DOK6: variants seen among roughly 807,000 people sequenced by gnomAD.
The protein encoded by DOK6 is docking protein 6.
DOK6 carries 22 observed loss-of-function variants against 44.0 expected under a neutral mutation model. That is an observed-to-expected ratio of 0.50 (90% CI 0.36 to 0.71). The LOEUF (loss-of-function observed/expected upper bound fraction) is 0.71. Among genes scored for constraint, DOK6 ranks in the 30% least tolerant of loss-of-function variants. The pLI, the probability that DOK6 is intolerant of heterozygous loss-of-function variation, is 0.00. For missense variants in DOK6, 340 were observed against 416.4 expected (o/e 0.82, Z 1.60); for synonymous variants, 166 against 145.5 (o/e 1.14, Z -1.01).
At chr18:69,635,388 A>G (rs1276179082) in intron 3 of DOK6, among the ~76,000 whole-genome samples, 2 of 152,164 alleles carry the variant, frequency 1.3e-5, no homozygotes, top group Non-Finnish European at 2.9e-5. Context: ...AAGCGTAATA[A>G]TTCATCATTA....
intron 5 of DOK6, among the ~76,000 whole-genome samples, chr18:69,724,129 G>A (rs530368017): frequency 6.6e-6 from 1 of 152,308 alleles, no homozygotes; most frequent in South Asian, 2.1e-4. Context: ...CAGCAAGAGA[G>A]ATTATCATTG....
chr18:69,597,060 AATT>A (rs1294708928), intron 2 of DOK6, among the ~76,000 whole-genome samples: 3 of 151,898 alleles, frequency 2.0e-5, no homozygotes, highest in African/African-American at 7.2e-5. Context: ...AAAGATATAA[AATT>A]ATATAAATTA....
At chr18:69,527,309 G>A (rs553054138) in intron 1 of DOK6, among the ~76,000 whole-genome samples, 7 of 152,272 alleles carry the variant, frequency 4.6e-5, no homozygotes, top group Admixed American at 4.6e-4. Context: ...AAAGGAAAGA[G>A]GTTTAATTGA....
chr18:69,692,041 C>A (rs1370744349), intron 4 of DOK6, among the ~76,000 whole-genome samples: 1 of 152,044 alleles, frequency 6.6e-6, no homozygotes, highest in East Asian at 1.9e-4. Flanking sequence ...AAGGAATTTA[C>A]CCCCTTTTCT....
chr18:69,655,726 C>A (rs1372100038), intron 3 of DOK6, among the ~76,000 whole-genome samples: 1 of 134,612 alleles, frequency 7.4e-6, no homozygotes, highest in African/African-American at 2.8e-5. Context: ...GCACTCCAGC[C>A]TGGGTGACAG....
At position 69,443,074 on chromosome 18, in the gene DOK6, G is replaced by GC. The variant is rs1237551567; in HGVS notation, c.66+41766dup. Among the ~76,000 whole-genome samples the GC allele has an allele frequency of 3.9e-5, 6 of 151,940 alleles. No homozygotes were observed. In the East Asian group the frequency reaches 1.2e-3, roughly 29 times the overall value. ...TTTGGTATACCAAAGATACGAATACGCCTGTTTACCTTACAACAAATGCGT... is the reference window on the plus strand; with the variant it reads ...TTTGGTATACCAAAGATACGAATACGCCCTGTTTACCTTACAACAAATGCGT... On this transcript the variant is annotated intron_variant, in intron 1 of 7. Coordinates refer to ENST00000382713, the MANE Select transcript of DOK6 (RefSeq NM_152721.6).
chr18:69,500,486 T>C (rs1207387111), intron 1 of DOK6, among the ~76,000 whole-genome samples: 1 of 152,150 alleles, frequency 6.6e-6, no homozygotes, highest in African/African-American at 2.4e-5. Context: ...GTAGCCACTA[T>C]TGGATGTTCA....
intron 1 of DOK6, among the ~76,000 whole-genome samples, chr18:69,546,666 C>T (rs1465977430): frequency 6.6e-6 from 1 of 151,412 alleles, no homozygotes; most frequent in Non-Finnish European, 1.5e-5. Context: ...ACAGAGGCTG[C>T]TTTTTTATTG....
At chr18:69,747,431 G>A (rs1005193159) in intron 6 of DOK6, among the ~76,000 whole-genome samples, 1 of 152,098 alleles carries the variant, frequency 6.6e-6, no homozygotes, top group African/African-American at 2.4e-5. Context: ...ATTACCTAAG[G>A]TCATATTTTT....
chr18:69,731,213 T>C (rs78115583), intron 5 of DOK6, among the ~76,000 whole-genome samples: 6,878 of 152,268 alleles, frequency 0.045, 202 homozygotes, highest in East Asian at 0.087. Context: ...TATGTAATCA[T>C]CTACTCACTG....
intron 5 of DOK6, among the ~76,000 whole-genome samples, chr18:69,715,676 A>G (rs1028709748): frequency 6.6e-6 from 1 of 152,226 alleles, no homozygotes; most frequent in African/African-American, 2.4e-5. Context: ...GACTCTCTCT[A>G]AAGTTCTGTG....
intron 6 of DOK6, among the ~76,000 whole-genome samples, chr18:69,743,690 C>T (rs35487941): frequency 0.57 from 86,071 of 151,404 alleles, 26,160 homozygotes; most frequent in East Asian, 0.69. Context: ...TTTTTTTCTG[C>T]TATATCCAAA....
chr18:69,713,533 G>A (rs1986815860), intron 5 of DOK6, among the ~76,000 whole-genome samples: 6 of 152,092 alleles, frequency 3.9e-5, no homozygotes, highest in Admixed American at 3.9e-4. Context: ...ATGAGCTATG[G>A]CTTCAGGACC....
intron 1 of DOK6, among the ~76,000 whole-genome samples, chr18:69,551,837 T>C (rs1222349058): frequency 6.6e-6 from 1 of 152,242 alleles, no homozygotes; most frequent in Non-Finnish European, 1.5e-5. Context: ...TTTCCAAAGA[T>C]GTATTTACAT....
intron 2 of DOK6, among the ~76,000 whole-genome samples, chr18:69,570,640 T>C (rs1306923288): frequency 2.0e-5 from 3 of 152,142 alleles, no homozygotes; most frequent in Non-Finnish European, 4.4e-5. Flanking sequence ...CTACCAGGTC[T>C]TTCATAAAAG....
chr18:69,744,652 G>C (rs1194246104), intron 6 of DOK6, among the ~76,000 whole-genome samples: 1 of 151,878 alleles, frequency 6.6e-6, no homozygotes, highest in Non-Finnish European at 1.5e-5. Flanking sequence ...TGGCTGGGCG[G>C]GGTGGCTCAC....
chr18:69,507,273 C>T (rs1332200042), intron 1 of DOK6, among the ~76,000 whole-genome samples: 3 of 152,098 alleles, frequency 2.0e-5, no homozygotes, highest in Non-Finnish European at 4.4e-5. Context: ...GTGATCCGCC[C>T]ACCTCGGCCT....
intron 4 of DOK6, among the ~76,000 whole-genome samples, chr18:69,684,957 C>T (rs752253247): frequency 8.5e-5 from 13 of 152,168 alleles, no homozygotes; most frequent in South Asian, 2.1e-4. Flanking sequence ...GGCATACAGG[C>T]GCATACAAAT....
chr18:69,574,179 C>G (rs368515885), intron 2 of DOK6, among the ~76,000 whole-genome samples: 1 of 152,040 alleles, frequency 6.6e-6, no homozygotes, highest in African/African-American at 2.4e-5. Flanking sequence ...ACAATGCAGA[C>G]CCCAAGTTTC....
Sources: allele counts gnomAD v4.1 joint callset (sites outside exome capture counted in the v4.1 genomes callset), GRCh38; gene constraint gnomAD v4.1.1; transcripts MANE v1.5; gene names NCBI Gene and HGNC (gene_info 2026-07-23, HGNC 2026-07-21).